Variants in PCDH15 observed in about 807,000 individuals in gnomAD.
PCDH15 encodes the protein protocadherin-15.
A neutral mutation model predicts 178.5 loss-of-function variants in PCDH15; 129 were observed. That is an observed-to-expected ratio of 0.72 (90% CI 0.63 to 0.84). PCDH15 has a LOEUF of 0.84. Ranked by LOEUF, PCDH15 falls within the 40% of genes least tolerant of loss-of-function variation. PCDH15 has a pLI of 0.00. For synonymous variants in PCDH15, 800 were observed against 732.0 expected, an observed-to-expected ratio of 1.09 and a Z score of -1.50; for missense variants, 2,230 against 2,099.9, an observed-to-expected ratio of 1.06 and a Z score of -1.21.
At chr10:54,397,892 T>C (rs992356125) in intron 3 of PCDH15, among the ~76,000 whole-genome samples, 2 of 151,840 alleles carry the variant, frequency 1.3e-5, no homozygotes, top group Admixed American at 1.3e-4. Flanking sequence ...CAAATTCCCC[T>C]AAGTTCTTAA....
intron 25 of PCDH15, among the ~76,000 whole-genome samples, chr10:53,909,788 G>C (rs1486779726): frequency 6.6e-6 from 1 of 152,174 alleles, no homozygotes; most frequent in African/African-American, 2.4e-5. Flanking sequence ...CTGGTAAATG[G>C]GGACAGTGCC....
chr10:55,294,112 T>A (rs1159407728), intron 1 of PCDH15, among the ~76,000 whole-genome samples: 1 of 152,152 alleles, frequency 6.6e-6, no homozygotes, highest in East Asian at 1.9e-4. Context: ...ACATCTTACA[T>A]GGATGGCAGC....
rs561364763 is a variant in PCDH15 at position 54,888,745 on chromosome 10, T to G, written c.-29+8705A>C. On this transcript the variant is annotated intron_variant, in intron 3 of 5. Coordinates refer to the PCDH15 transcript ENST00000458638. ...TTCAGCACATTTTCCTGTTGTTGTTTTTTTTCAGTACACATTTTGGGGTTA... is the reference window on the plus strand; with the variant it reads ...TTCAGCACATTTTCCTGTTGTTGTTGTTTTTCAGTACACATTTTGGGGTTA... Among the ~76,000 whole-genome samples the G allele has an allele frequency of 3.3e-5, 5 of 151,836 alleles. No homozygotes were observed. In the East Asian group the frequency reaches 9.7e-4, roughly 29 times the overall value.
At chr10:55,465,494 C>T (rs73261663) in intron 2 of PCDH15, among the ~76,000 whole-genome samples, 1 of 152,222 alleles carries the variant, frequency 6.6e-6, no homozygotes, top group South Asian at 2.1e-4. Flanking sequence ...TGTACCAATG[C>T]CAGCCCCTTT....
intron 2 of PCDH15, among the ~76,000 whole-genome samples, chr10:55,327,869 T>C (rs966356436): frequency 2.6e-5 from 4 of 152,026 alleles, no homozygotes; most frequent in Admixed American, 6.6e-5. Context: ...CTACAGTCCA[T>C]GTATGGCAAG....
chr10:54,107,787 C>T (rs906011854), intron 15 of PCDH15, among the ~76,000 whole-genome samples: 4 of 151,984 alleles, frequency 2.6e-5, no homozygotes, highest in African/African-American at 7.2e-5. Context: ...AGAAAGTAAA[C>T]GGTGTCAAAA....
chr10:54,894,287 T>C (rs781433201), intron 3 of PCDH15, among the ~76,000 whole-genome samples: 1 of 152,136 alleles, frequency 6.6e-6, no homozygotes, highest in East Asian at 1.9e-4. Context: ...TGGTTACTTA[T>C]AGAGTATACA....
chr10:54,528,559 T>C (rs1484058531), intron 2 of PCDH15, among the ~76,000 whole-genome samples: 3 of 151,994 alleles, frequency 2.0e-5, no homozygotes, highest in Non-Finnish European at 4.4e-5. Flanking sequence ...ATAGAATATA[T>C]AAAATCCCTA....
chr10:54,331,408 C>T (rs1939540902), intron 6 of PCDH15, among the ~76,000 whole-genome samples: 1 of 151,846 alleles, frequency 6.6e-6, no homozygotes, highest in African/African-American at 2.4e-5. Flanking sequence ...TTCTTGGATG[C>T]AGTCATTTAA....
chr10:54,334,751 C>T (rs1386388209), intron 6 of PCDH15, among the ~76,000 whole-genome samples: 1 of 151,886 alleles, frequency 6.6e-6, no homozygotes, highest in Non-Finnish European at 1.5e-5. Context: ...AAGACAGAGA[C>T]TTAGTACAAA....
At chr10:55,277,676 C>G (rs1351192836) in intron 1 of PCDH15, among the ~76,000 whole-genome samples, 1 of 151,972 alleles carries the variant, frequency 6.6e-6, no homozygotes, top group Non-Finnish European at 1.5e-5. Context: ...TAATGTAGAA[C>G]TCGTCTCAGA....
intron 1 of PCDH15, among the ~76,000 whole-genome samples, chr10:55,248,713 T>A: frequency 6.6e-6 from 1 of 152,066 alleles, no homozygotes; most frequent in East Asian, 1.9e-4. Flanking sequence ...TGTGCCAAAA[T>A]GCCCTGTTAA....
chr10:53,921,781 C>A (rs944233186), intron 25 of PCDH15, among the ~76,000 whole-genome samples: 5 of 152,134 alleles, frequency 3.3e-5, no homozygotes, highest in African/African-American at 9.6e-5. Context: ...GATATGATTC[C>A]TTTAGTATAA....
intron 9 of PCDH15, among the ~76,000 whole-genome samples, chr10:54,223,837 A>G (rs1164128960): frequency 6.6e-6 from 1 of 152,058 alleles, no homozygotes; most frequent in Non-Finnish European, 1.5e-5. Flanking sequence ...TTAAAATGTT[A>G]TTGTTTTTGA....
chr10:55,444,366 A>T lies in PCDH15; in HGVS notation c.-156+183259T>A, dbSNP rs1416571424. 5.3e-5 allele frequency among the ~76,000 whole-genome samples: 8 copies of T among 152,050 alleles called. 1 individual carries two copies. Among genetic ancestry groups the T allele is most frequent in the Non-Finnish European group, 1.0e-4 (7 of 68,016 alleles). ...TTTTTATAAGCAGACACACAAATAC[A>T]CATGTACATCTTTATGTCTCACTAT... On this transcript the variant is annotated intron_variant, in intron 2 of 5. Transcript: ENST00000613346.
chr10:54,748,052 G>A (rs548348628), intron 1 of PCDH15, among the ~76,000 whole-genome samples: 199 of 151,760 alleles, frequency 1.3e-3, no homozygotes, highest in African/African-American at 4.7e-3. Flanking sequence ...TGATCCACCC[G>A]CCCCCGCCTC....
chr10:55,594,994 T>G (rs1356196831), intron 2 of PCDH15, among the ~76,000 whole-genome samples: 1 of 152,074 alleles, frequency 6.6e-6, no homozygotes, highest in Non-Finnish European at 1.5e-5. Flanking sequence ...TTACTTAATG[T>G]AACAGTCTTG....
chr10:54,775,587 G>A (rs902483413), intron 1 of PCDH15, among the ~76,000 whole-genome samples: 8 of 152,080 alleles, frequency 5.3e-5, no homozygotes, highest in African/African-American at 1.9e-4. Context: ...CTATCTAGCT[G>A]TAATTTTGTG....
At chr10:55,383,778 A>G (rs1310901299) in intron 2 of PCDH15, among the ~76,000 whole-genome samples, 1 of 152,144 alleles carries the variant, frequency 6.6e-6, no homozygotes, top group African/African-American at 2.4e-5. Context: ...AGGGAACCAG[A>G]GTCCAAGCCA....
Sources: gnomAD v4.1 joint callset for allele counts (sites outside exome capture counted in the v4.1 genomes callset) on GRCh38, gnomAD v4.1.1 for gene constraint, MANE v1.5 for transcripts, NCBI Gene and HGNC (gene_info 2026-07-23, HGNC 2026-07-21) for gene names.